The following PGAP6 variants were observed in gnomAD, a reference collection of about 807,000 sequenced individuals.
PGAP6 encodes post-GPI attachment to proteins factor 6.
In PGAP6, 62 loss-of-function variants were observed where a neutral mutation model predicts 68.4. That is an observed-to-expected ratio of 0.91 (90% CI 0.74 to 1.12). The LOEUF (loss-of-function observed/expected upper bound fraction) is 1.12, where lower values mean the gene tolerates loss of function less well. PGAP6 is among the 50% of genes most tolerant of loss of function. The pLI is 0.00. For synonymous variants in PGAP6, 575 were observed against 474.0 expected (o/e 1.21, Z -2.77); for missense variants, 1,188 against 1,068.5 (o/e 1.11, Z -1.56).
Position 374,351 on chromosome 16 carries a change from G to A in PGAP6, c.1625C>T (p.Ala542Val). 1.9e-6 allele frequency: 3 copies of A among 1,601,380 alleles called. No homozygotes were observed. Among genetic ancestry groups the A allele is most frequent in the Non-Finnish European group, 2.5e-6 (3 of 1,178,810 alleles). ...CAGCAGTGTGGCCGCCCTCTGCTGGGCCACCGTCTGGGCTGTGCTGTTGTC... is the reference window on the plus strand; with the variant it reads ...CAGCAGTGTGGCCGCCCTCTGCTGGACCACCGTCTGGGCTGTGCTGTTGTC... ...CTDNSTAQTV[A>V]QQRAATLLLT... Residue 542 changes from alanine (A) to valine (V), a missense_variant, in exon 10 of 13, where the codon GCC becomes GTC. Transcript: ENST00000431232.
chr16:386,852 A>C (rs756658650), upstream of PGAP6: 1 of 696,708 alleles, frequency 1.4e-6, no homozygotes, highest in Non-Finnish European at 2.6e-6. Context: ...CAGCGTTGAA[A>C]GGTGTCCACA....
chr16:373,050 G>C (rs1413177327), intron 11 of PGAP6, among the ~76,000 whole-genome samples: 1 of 152,172 alleles, frequency 6.6e-6, no homozygotes, highest in Non-Finnish European at 1.5e-5. Context: ...TGGGTTTCTA[G>C]AAGTCCCCCA....
At position 377,862 on chromosome 16, in the gene PGAP6, G is replaced by T; in HGVS notation, c.122-14C>A. On this transcript the variant is annotated splice_polypyrimidine_tract_variant and intron_variant, in intron 1 of 12. Coordinates refer to ENST00000431232, the MANE Select transcript of PGAP6 (RefSeq NM_021259.3). The stretch of plus-strand genomic sequence containing the variant: ...CCAGCCCCACCTCTGTGAGGAGAAG[G>T]AGGTGTCAGCCAGGCCGGGACCCTC... 1 of 1,548,056 alleles carries T rather than the reference G, an allele frequency of 6.5e-7. No individual in the cohort carries two copies. Among genetic ancestry groups the T allele is most frequent in the South Asian group, 1.2e-5 (1 of 83,738 alleles).
intron 1 of PGAP6, among the ~76,000 whole-genome samples, chr16:379,047 G>C (rs1421225808): frequency 6.6e-6 from 1 of 152,136 alleles, no homozygotes; most frequent in Non-Finnish European, 1.5e-5. Flanking sequence ...CCTTCTCCTG[G>C]GTAGGTCAGG....
upstream of PGAP6, among the ~76,000 whole-genome samples, chr16:385,404 C>T (rs562610451): frequency 2.0e-5 from 3 of 147,990 alleles, no homozygotes; most frequent in East Asian, 6.2e-4. Context: ...CTCCACCTCC[C>T]GGGTTCACGC....
In PGAP6 at chr16:372,454, G is replaced by A; in HGVS notation, c.2019+157C>T. The A allele has an allele frequency of 8.3e-6, 8 of 962,490 alleles. No homozygotes were observed. In the South Asian group the frequency reaches 1.2e-4, roughly 14 times the overall value. The allele number at this position is 962,490 out of a possible 1,614,324, so 59.6% of individuals were successfully genotyped here. ...CTGGTCCTCAGGCCCAGGCCTCAGG[G>A]ACACAGCCATGCTGGGCCTCTGTGG... On this transcript the variant is annotated intron_variant, in intron 12 of 12. Transcript: ENST00000431232.
In PGAP6 at chr16:376,609, A is replaced by G; in HGVS notation, c.839T>C (p.Val280Ala). The stretch of plus-strand genomic sequence containing the variant: ...GGGCCCCACCAGGCTCTCAGCTGTC[A>G]CTTGCAGCCACCGGTCCCAGGGCGG... ...PSPPWDRWLQVTAESLVGPLG... is the reference protein window; with the variant it reads ...PSPPWDRWLQATAESLVGPLG... The change falls in exon 5 of 13, where the codon GTG becomes GCG. Residue 280 changes from valine (V) to alanine (A), a missense_variant. Physicochemically the swap from Val to Ala is moderately conservative, Grantham distance 64. Transcript: ENST00000431232. 1 of 1,593,334 alleles carries G rather than the reference A, an allele frequency of 6.3e-7. No homozygotes were observed. Among genetic ancestry groups the G allele is most frequent in the Non-Finnish European group, 8.6e-7 (1 of 1,169,454 alleles).
intron 11 of PGAP6, 42 bp from the exon 12 acceptor site, chr16:372,769 G>A: frequency 6.8e-7 from 1 of 1,469,522 alleles, no homozygotes; most frequent in East Asian, 2.3e-5. Flanking sequence ...GTCTCTGAGG[G>A]CTCAAGGCCC....
intron 5 of PGAP6, 25 bp downstream of exon 5, chr16:376,519 T>A (rs754733582): frequency 1.3e-6 from 2 of 1,544,152 alleles, no homozygotes; most frequent in East Asian, 2.3e-5. Context: ...GGCAGGGCCA[T>A]CCCTCCAGCC....
intron 6 of PGAP6, 33 bp from the exon 7 acceptor site, chr16:375,468 G>A (rs2054374240): frequency 6.3e-7 from 1 of 1,596,152 alleles, no homozygotes; most frequent in African/African-American, 1.3e-5. Context: ...CTCAGCTCCA[G>A]CAGCCCCTGG....
At chr16:379,008 T>C (rs1181978615) in intron 1 of PGAP6, among the ~76,000 whole-genome samples, 1 of 152,120 alleles carries the variant, frequency 6.6e-6, no homozygotes, top group Admixed American at 6.5e-5. Flanking sequence ...CCTTGCGACC[T>C]TGGGCATCCT....
At chr16:385,149 A>G (rs2054473074), upstream of PGAP6, among the ~76,000 whole-genome samples, 1 of 150,500 alleles carries the variant, frequency 6.6e-6, no homozygotes, top group Admixed American at 6.6e-5. Flanking sequence ...CTGGGCAACC[A>G]GAGCAAGTCT....
chr16:382,032 G>A (rs2054445357), upstream of PGAP6: 1 of 767,558 alleles, frequency 1.3e-6, no homozygotes, highest in Non-Finnish European at 1.6e-6. Context: ...GGGCGGGGTC[G>A]GGGGGCGGGA....
At chr16:384,773 G>C (rs960044917), upstream of PGAP6, among the ~76,000 whole-genome samples, 1 of 150,270 alleles carries the variant, frequency 6.7e-6, no homozygotes, top group Non-Finnish European at 1.5e-5. Flanking sequence ...GGAGAATGGC[G>C]TGAACCCAGG....
rs1440776746 is a variant in PGAP6, at chr16:371,305, T to A, written c.*682A>T. On this transcript the variant is annotated 3_prime_UTR_variant, in exon 13 of 13. Transcript: ENST00000431232. ...GTGGGTGGACAGGGCTGGGTAGGGG[T>A]TCCTTCTGGGCCAAACCCCCAGAGC... The A allele has an allele frequency of 6.6e-6, 1 of 151,468 alleles. No individual in the cohort carries two copies. Among genetic ancestry groups the A allele is most frequent in the Non-Finnish European group, 1.5e-5 (1 of 67,926 alleles). The allele number at this position is 151,468 out of a possible 1,614,324, so 9.4% of individuals were successfully genotyped here.
At chr16:373,509 G>A (rs574053725) in intron 11 of PGAP6, among the ~76,000 whole-genome samples, 3 of 152,330 alleles carry the variant, frequency 2.0e-5, no homozygotes, top group Admixed American at 6.5e-5. Context: ...AACTGCCTGC[G>A]GGGTCTCAGA....
At chr16:379,128 G>A (rs2054417408) in intron 1 of PGAP6, among the ~76,000 whole-genome samples, 1 of 152,204 alleles carries the variant, frequency 6.6e-6, no homozygotes, top group Non-Finnish European at 1.5e-5. Context: ...AGAAGGAAAA[G>A]CACAGTGGAC....
chr16:376,696 T>C lies in PGAP6; in HGVS notation c.752A>G (p.Asn251Ser). 6.2e-7 allele frequency: 1 copy of C among 1,611,622 alleles called. No individual in the cohort carries two copies. The highest frequency in any genetic ancestry group is 8.5e-7 in the Non-Finnish European group (1 of 1,179,740). Residue 251 changes from asparagine to serine, a missense_variant, in exon 5 of 13, where the codon AAC (asparagine) becomes AGC (serine). By Grantham distance (46) the Asn-to-Ser change is conservative. Transcript: ENST00000431232. ...GGTGCAGGTGAGCACCTTCTGGAAG[T>C]TGCTAGGCAGGGTGACCGGGCCCAC... is the stretch of plus-strand genomic sequence containing the variant. ...LTVGPVTLPS[N>S]FQKVLTCTGA...
chr16:382,110 G>C (rs1177864953), upstream of PGAP6: 1 of 371,722 alleles, frequency 2.7e-6, no homozygotes, highest in Non-Finnish European at 4.8e-6. Flanking sequence ...GGGTCACGTG[G>C]GGCGCGCGGG....
Sources: gnomAD v4.1 joint callset for allele counts (sites outside exome capture counted in the v4.1 genomes callset) on GRCh38, gnomAD v4.1.1 for gene constraint, MANE v1.5 for transcripts, NCBI Gene and HGNC (gene_info 2026-07-23, HGNC 2026-07-21) for gene names.